UNC13C: variants seen among roughly 807,000 people sequenced by gnomAD.
UNC13C encodes unc-13 homolog C, also known as protein unc-13 homolog C.
In UNC13C, 174 loss-of-function variants were observed where a neutral mutation model predicts 245.4. That is an observed-to-expected ratio of 0.71 (90% CI 0.63 to 0.80). The LOEUF (loss-of-function observed/expected upper bound fraction) is 0.80, where lower values mean the gene tolerates loss of function less well. UNC13C is among the 30% of genes least tolerant of loss of function. The pLI, the probability that UNC13C is intolerant of heterozygous loss-of-function variation, is 0.00. For synonymous variants in UNC13C, 992 were observed against 895.1 expected (o/e 1.11, Z -1.93); for missense variants, 2,829 against 2,602.9 (o/e 1.09, Z -1.89).
intron 2 of UNC13C, among the ~76,000 whole-genome samples, chr15:54,047,913 A>T (rs191746705): frequency 6.6e-6 from 1 of 152,260 alleles, no homozygotes; most frequent in Non-Finnish European, 1.5e-5. Flanking sequence ...TGGGCAAAAA[A>T]CTGAAATATA....
At chr15:54,398,947 T>G (rs1316187697) in intron 18 of UNC13C, among the ~76,000 whole-genome samples, 1 of 151,608 alleles carries the variant, frequency 6.6e-6, no homozygotes, top group African/African-American at 2.4e-5. Flanking sequence ...TTAAATTAAT[T>G]TTTTTCTCAT....
At chr15:53,841,040 A>C in the UNC13C span, among the ~76,000 whole-genome samples, 1 of 152,112 alleles carries the variant, frequency 6.6e-6, no homozygotes, top group Admixed American at 6.6e-5. Context: ...TGTTGGTGAA[A>C]CCAATGCGTG....
At chr15:54,344,259 T>C (rs2038806230) in intron 17 of UNC13C, among the ~76,000 whole-genome samples, 1 of 152,164 alleles carries the variant, frequency 6.6e-6, no homozygotes, top group Non-Finnish European at 1.5e-5. Context: ...AATACATAAA[T>C]AATAACAACA....
chr15:54,149,355 A>G (rs2032418617), intron 4 of UNC13C, among the ~76,000 whole-genome samples: 1 of 152,340 alleles, frequency 6.6e-6, no homozygotes, highest in East Asian at 1.9e-4. Context: ...AGAACTTGGT[A>G]TAGAAGGAGT....
At chr15:54,181,780 AT>A (rs984250913) in intron 4 of UNC13C, among the ~76,000 whole-genome samples, 25 of 151,738 alleles carry the variant, frequency 1.6e-4, no homozygotes, top group East Asian at 5.8e-4. Flanking sequence ...GTTTAAAAAA[AT>A]TTTTTTATGG....
At chr15:54,126,502 A>C (rs1377059420) in intron 2 of UNC13C, among the ~76,000 whole-genome samples, 1 of 152,194 alleles carries the variant, frequency 6.6e-6, no homozygotes, top group East Asian at 1.9e-4. Context: ...AAAAACAAAC[A>C]AATCCACAAA....
chr15:54,466,370 G>A (rs1233729516), intron 19 of UNC13C, among the ~76,000 whole-genome samples: 1 of 151,960 alleles, frequency 6.6e-6, no homozygotes, highest in Admixed American at 6.6e-5. Flanking sequence ...CTGAGGTGAT[G>A]TATATTTCAA....
At chr15:54,457,086 A>G (rs1891573054) in intron 19 of UNC13C, among the ~76,000 whole-genome samples, 1 of 152,124 alleles carries the variant, frequency 6.6e-6, no homozygotes, top group Non-Finnish European at 1.5e-5. Flanking sequence ...TTTAATCAGG[A>G]AGGGATGCTG....
At chr15:54,080,775 GT>G (rs1403441609) in intron 2 of UNC13C, among the ~76,000 whole-genome samples, 1 of 151,768 alleles carries the variant, frequency 6.6e-6, no homozygotes, top group Admixed American at 6.6e-5. Context: ...CCAACTTTTT[GT>G]TTTGTTGATC....
chr15:54,145,002 G>A (rs1419212064), intron 4 of UNC13C, among the ~76,000 whole-genome samples: 5 of 151,544 alleles, frequency 3.3e-5, no homozygotes, highest in Non-Finnish European at 7.4e-5. Flanking sequence ...ATATTGTTCA[G>A]GCTGGTCTTG....
chr15:54,097,449 T>G (rs1198997202), intron 2 of UNC13C, among the ~76,000 whole-genome samples: 1 of 152,204 alleles, frequency 6.6e-6, no homozygotes, highest in Non-Finnish European at 1.5e-5. Context: ...AAGGAGATTA[T>G]GCGGTACTGA....
intron 17 of UNC13C, among the ~76,000 whole-genome samples, chr15:54,381,394 C>A (rs999170298): frequency 6.6e-6 from 1 of 151,000 alleles, no homozygotes; most frequent in African/African-American, 2.5e-5. Context: ...ATGCCTCCAG[C>A]TTTTTTTTCT....
chr15:54,439,131 T>C (rs1890380090), intron 19 of UNC13C, among the ~76,000 whole-genome samples: 1 of 151,930 alleles, frequency 6.6e-6, no homozygotes, highest in Non-Finnish European at 1.5e-5. Flanking sequence ...CTGTATAAAA[T>C]CCATCTAAAC....
chr15:54,585,596 C>T (rs759565538), intron 30 of UNC13C, among the ~76,000 whole-genome samples: 3 of 152,156 alleles, frequency 2.0e-5, no homozygotes, highest in African/African-American at 7.2e-5. Context: ...TGTATTCTCA[C>T]TGGGACTGGG....
the UNC13C span, among the ~76,000 whole-genome samples, chr15:53,880,974 G>A: frequency 1.3e-5 from 2 of 152,114 alleles, no homozygotes; most frequent in Non-Finnish European, 1.5e-5. Context: ...GAATTGGAGG[G>A]AATAAAATAT....
At position 54,015,502 on chromosome 15, in the gene UNC13C, T is replaced by G. The variant is rs765550632; in HGVS notation, c.2599T>G (p.Tyr867Asp). 4 of 1,612,680 alleles carry G rather than the reference T, an allele frequency of 2.5e-6. No homozygotes were observed. The highest frequency in any genetic ancestry group is 1.3e-5 in the African/African-American group (1 of 74,896). The change falls in exon 2 of 33, where the codon TAT becomes GAT. Residue 867 changes from tyrosine to aspartate, a missense_variant. Coordinates refer to ENST00000260323, the MANE Select transcript of UNC13C (RefSeq NM_001080534.3). ...YYYKAEDEED[Y>D]TEPVADNETD... ...CTATAAAGCAGAGGATGAGGAAGAT[T>G]ATACTGAACCAGTGGCTGACAATGA... is the stretch of plus-strand genomic sequence containing the variant.
chr15:54,390,406 C>G (rs953721895), intron 17 of UNC13C, among the ~76,000 whole-genome samples: 5 of 152,070 alleles, frequency 3.3e-5, no homozygotes, highest in African/African-American at 1.2e-4. Flanking sequence ...TTCAGATAAT[C>G]CTATAACCTG....
intron 30 of UNC13C, chr15:54,609,468 A>G (rs1362421215): frequency 1.3e-5 from 2 of 152,098 alleles, no homozygotes; most frequent in Admixed American, 6.5e-5. Context: ...AGACAGGGAA[A>G]CCACAGGGTT....
chr15:53,939,063 G>T, the UNC13C span, among the ~76,000 whole-genome samples: 1 of 151,914 alleles, frequency 6.6e-6, no homozygotes, highest in Non-Finnish European at 1.5e-5. Flanking sequence ...CCAGGAGCTG[G>T]TTTTTTGCAA....
Sources: allele counts gnomAD v4.1 joint callset (sites outside exome capture counted in the v4.1 genomes callset), GRCh38; gene constraint gnomAD v4.1.1; transcripts MANE v1.5; gene names NCBI Gene and HGNC (gene_info 2026-07-23, HGNC 2026-07-21).